The following NRXN3 variants were observed in gnomAD, a reference collection of about 807,000 sequenced individuals.
NRXN3 encodes neurexin 3.
In NRXN3, 32 loss-of-function variants were observed where a neutral mutation model predicts 137.6. The ratio of observed to expected loss-of-function variants is 0.23; its 90% CI spans 0.18 to 0.31. The LOEUF is 0.31. Ranked by LOEUF, NRXN3 falls within the 10% of genes least tolerant of loss-of-function variation. The probability of loss-of-function intolerance (pLI) is 1.00; values close to 1 mark genes in which losing one functional copy is unlikely to be tolerated. For synonymous variants in NRXN3, 798 were observed against 784.5 expected (o/e 1.02, Z -0.29); for missense variants, 1,574 against 2,062.5 (o/e 0.76, Z 4.59).
intron 15 of NRXN3, among the ~76,000 whole-genome samples, chr14:79,455,894 A>T (rs2096251290): frequency 6.6e-6 from 1 of 151,784 alleles, no homozygotes; most frequent in African/African-American, 2.4e-5. Context: ...AAACCATCTT[A>T]TTTATCTTAT....
intron 15 of NRXN3, among the ~76,000 whole-genome samples, chr14:79,126,399 C>A (rs2056475944): frequency 6.9e-6 from 1 of 144,600 alleles, no homozygotes; most frequent in South Asian, 2.3e-4. Context: ...TGTTCAATTC[C>A]CACCTATGAG....
intron 15 of NRXN3, among the ~76,000 whole-genome samples, chr14:79,325,705 G>T (rs1041684283): frequency 1.3e-5 from 2 of 152,124 alleles, no homozygotes; most frequent in Non-Finnish European, 2.9e-5. Context: ...TGTCAAGACT[G>T]CAGCTGTCAA....
chr14:78,835,995 A>G (rs750319478), intron 10 of NRXN3, among the ~76,000 whole-genome samples: 10 of 152,086 alleles, frequency 6.6e-5, no homozygotes, highest in Non-Finnish European at 1.2e-4. Context: ...TTGTCCCCCA[A>G]TGTACTATGT....
chr14:79,224,317 T>A lies in NRXN3; in HGVS notation c.3262+236176T>A, dbSNP rs78586828. Among the ~76,000 whole-genome samples the A allele has an allele frequency of 9.7e-4, 148 of 152,316 alleles. 1 individual carries two copies. The highest frequency in any genetic ancestry group is 3.5e-3 in the African/African-American group (144 of 41,596). ...TTATCCCACTACAAAATAGAGATAG[T>A]GAGAATTGGATTACCATTGTCAATA... On this transcript the variant is annotated intron_variant, in intron 15 of 20. Coordinates refer to ENST00000335750, the MANE Select transcript of NRXN3 (RefSeq NM_001330195.2).
chr14:79,141,307 T>C (rs2058766514), intron 15 of NRXN3, among the ~76,000 whole-genome samples: 1 of 152,322 alleles, frequency 6.6e-6, no homozygotes, highest in South Asian at 2.1e-4. Context: ...CCTTCTTTTC[T>C]ATGAAGGATT....
intron 16 of NRXN3, among the ~76,000 whole-genome samples, chr14:79,514,663 G>A (rs2096965193): frequency 6.6e-6 from 1 of 152,084 alleles, no homozygotes; most frequent in Non-Finnish European, 1.5e-5. Context: ...GTGATTACGT[G>A]CATCACAACT....
intron 10 of NRXN3, among the ~76,000 whole-genome samples, chr14:78,831,777 T>C (rs2098983088): frequency 6.6e-6 from 1 of 152,114 alleles, no homozygotes; most frequent in African/African-American, 2.4e-5. Context: ...GGGACCCTCA[T>C]TTAAGTCGAT....
At chr14:79,793,301 G>A (rs1051366806) in intron 19 of NRXN3, among the ~76,000 whole-genome samples, 4 of 152,158 alleles carry the variant, frequency 2.6e-5, no homozygotes, top group Non-Finnish European at 2.9e-5. Flanking sequence ...GGGCGCCCCA[G>A]CTATTCGGGA....
In NRXN3 at chr14:78,448,306, G is replaced by T. The variant is rs140572433; in HGVS notation, c.757+150446G>T. Among the ~76,000 whole-genome samples the T allele has an allele frequency of 7.6e-4, 115 of 152,304 alleles. 2 individuals carry two copies. The East Asian group carries it at 0.018, about 24-fold the overall frequency. ...AATTGCCCAATACCTGTTTTAATTG[G>T]AATGCAGGATGAATATTACACAGCA... On this transcript the variant is annotated intron_variant, in intron 4 of 20. Coordinates refer to ENST00000335750, the MANE Select transcript of NRXN3 (RefSeq NM_001330195.2).
chr14:78,486,558 C>T (rs1358907484), intron 4 of NRXN3, among the ~76,000 whole-genome samples: 2 of 152,088 alleles, frequency 1.3e-5, no homozygotes, highest in African/African-American at 4.8e-5. Context: ...CTTGCGATGG[C>T]CTCCCTCTCC....
At chr14:79,650,421 T>C (rs558830449) in intron 16 of NRXN3, among the ~76,000 whole-genome samples, 15 of 152,302 alleles carry the variant, frequency 9.8e-5, no homozygotes, top group Admixed American at 9.2e-4. Context: ...TTTTAAATTG[T>C]TATTAGAAAC....
intron 20 of NRXN3, among the ~76,000 whole-genome samples, chr14:79,814,386 T>A (rs1185564909): frequency 6.6e-6 from 1 of 152,232 alleles, no homozygotes; most frequent in Non-Finnish European, 1.5e-5. Context: ...ACTCTCCTAT[T>A]GTCTCTACTT....
At position 79,544,274 on chromosome 14, in the gene NRXN3, C is replaced by T. The variant is rs187482276; in HGVS notation, c.3444+76872C>T. On this transcript the variant is annotated intron_variant, in intron 16 of 20. Coordinates refer to ENST00000335750, the MANE Select transcript of NRXN3 (RefSeq NM_001330195.2). The stretch of plus-strand genomic sequence containing the variant: ...CACAATACTAGGTACACAAAGTAGG[C>T]GAGCACAGGCTCCCTACCTTTGAAA... Among the ~76,000 whole-genome samples the T allele has an allele frequency of 3.0e-4, 46 of 152,154 alleles. No individual in the cohort carries two copies. The East Asian group carries it at 7.2e-3, about 24-fold the overall frequency.
At chr14:79,554,330 G>A (rs935758659) in intron 16 of NRXN3, among the ~76,000 whole-genome samples, 3 of 152,244 alleles carry the variant, frequency 2.0e-5, no homozygotes, top group South Asian at 4.2e-4. Flanking sequence ...GCTGAAACAC[G>A]TTGTCTACTC....
At chr14:78,294,888 C>T (rs538418400) in intron 3 of NRXN3, among the ~76,000 whole-genome samples, 2 of 152,270 alleles carry the variant, frequency 1.3e-5, no homozygotes, top group South Asian at 2.1e-4. Flanking sequence ...GGGATGATGT[C>T]CCACACTTAC....
intron 16 of NRXN3, among the ~76,000 whole-genome samples, chr14:79,565,746 A>T (rs1454504324): frequency 6.6e-6 from 1 of 152,050 alleles, no homozygotes; most frequent in African/African-American, 2.4e-5. Context: ...ATTTACAGGG[A>T]ATAAAGCTAA....
At chr14:79,165,758 T>G (rs1568476738) in intron 15 of NRXN3, among the ~76,000 whole-genome samples, 1 of 152,102 alleles carries the variant, frequency 6.6e-6, no homozygotes, top group East Asian at 1.9e-4. Flanking sequence ...GGTTTCATAT[T>G]GTCTGAGATC....
chr14:79,592,160 A>G (rs749655248), intron 16 of NRXN3, among the ~76,000 whole-genome samples: 15 of 152,184 alleles, frequency 9.9e-5, no homozygotes, highest in Non-Finnish European at 1.9e-4. Flanking sequence ...GAATTTTATA[A>G]AAATGAAATG....
chr14:79,861,885 C>T lies in NRXN3; in HGVS notation c.4637C>T (p.Thr1546Met). 6.2e-7 allele frequency: 1 copy of T among 1,613,992 alleles called. No homozygotes were observed. Among genetic ancestry groups the T allele is most frequent in the Non-Finnish European group, 8.5e-7 (1 of 1,179,972 alleles). Reference protein sequence around the residue: ...YISNSAQSNGTLMKEKQQSSK... With the variant: ...YISNSAQSNGMLMKEKQQSSK... The stretch of plus-strand genomic sequence containing the variant: ...AGCAACTCCGCCCAGAGCAACGGCA[C>T]GCTCATGAAGGAGAAGCAGCAGAGC... The change falls in exon 21 of 21, where the codon ACG becomes ATG. Residue 1546 changes from threonine (T) to methionine (M), a missense_variant. Coordinates refer to ENST00000335750, the MANE Select transcript of NRXN3 (RefSeq NM_001330195.2). This position sits in a 1 kb window ranked among gnomAD's most constrained non-coding sequence, Gnocchi z 5.4.
Sources: gnomAD v4.1 joint callset for allele counts (sites outside exome capture counted in the v4.1 genomes callset) on GRCh38, gnomAD v4.1.1 for gene constraint, Gnocchi (gnomAD v3.1) non-coding constraint, MANE v1.5 for transcripts, NCBI Gene and HGNC (gene_info 2026-07-23, HGNC 2026-07-21) for gene names.